Variants in DAZL observed in about 807,000 individuals in gnomAD.
DAZL encodes deleted in azoospermia-like.
DAZL carries 4 observed loss-of-function variants against 45.0 expected under a neutral mutation model. The observed-to-expected ratio is 0.09, with a 90% confidence interval of 0.04 to 0.20. The LOEUF (loss-of-function observed/expected upper bound fraction) is 0.20. Among genes scored for constraint, DAZL ranks in the 10% least tolerant of loss-of-function variants. DAZL has a pLI of 1.00. For missense variants in DAZL, 326 were observed against 351.3 expected, an observed-to-expected ratio of 0.93 and a Z score of 0.58; for synonymous variants, 122 against 112.4, an observed-to-expected ratio of 1.09 and a Z score of -0.54.
At chr3:16,591,529 A>C (rs1467327654) in intron 10 of DAZL, among the ~76,000 whole-genome samples, 1 of 151,544 alleles carries the variant, frequency 6.6e-6, no homozygotes, top group Non-Finnish European at 1.5e-5. Context: ...TCCCAGGCTC[A>C]AGCAATCCTC....
At chr3:16,594,689 G>C in intron 7 of DAZL, 106 bp from the exon 8 acceptor site, 1 of 664,002 alleles carries the variant, frequency 1.5e-6, no homozygotes, top group South Asian at 2.8e-5. Context: ...TGGCTCCTTT[G>C]TTGTTATAAT....
intron 1 of DAZL, among the ~76,000 whole-genome samples, chr3:16,599,513 T>C (rs1694651016): frequency 6.6e-6 from 1 of 152,236 alleles, no homozygotes; most frequent in Non-Finnish European, 1.5e-5. Flanking sequence ...AAAAGGATTA[T>C]AATCCTCTTC....
intron 10 of DAZL, among the ~76,000 whole-genome samples, chr3:16,591,661 T>C (rs1380480905): frequency 2.0e-5 from 3 of 152,156 alleles, no homozygotes; most frequent in Non-Finnish European, 4.4e-5. Flanking sequence ...CTCGAACTCC[T>C]GAGCTCAAGC....
At chr3:16,604,770 G>A (rs570944548) in intron 1 of DAZL, 6 of 1,357,154 alleles carry the variant, frequency 4.4e-6, no homozygotes, top group Middle Eastern at 2.7e-4. Context: ...TGAGGCTGGC[G>A]GGGCGGAGGC....
At chr3:16,598,274 C>A in intron 2 of DAZL, 96 bp from the exon 3 acceptor site, 3 of 1,410,770 alleles carry the variant, frequency 2.1e-6, no homozygotes, top group South Asian at 1.2e-5. Context: ...ATTTCTCCCC[C>A]ATTTATCCCC....
chr3:16,588,712 T>A lies in DAZL; in HGVS notation c.836A>T (p.Asp279Val), dbSNP rs746565166. ...TCTTCTAAAGTGATGCACTCTTTTATCCTGGAAAAGACAGAAAGAGTCCTT... is the reference window on the plus strand; with the variant it reads ...TCTTCTAAAGTGATGCACTCTTTTAACCTGGAAAAGACAGAAAGAGTCCTT... ...SVVTQDDYFKDKRVHHFRRSR... is the reference protein window; with the variant it reads ...SVVTQDDYFKVKRVHHFRRSR... Residue 279 changes from aspartate to valine, a missense_variant and splice_region_variant, in exon 11 of 11, where the codon GAT (aspartate) becomes GTT (valine). Transcript: ENST00000399444. The A allele has an allele frequency of 1.2e-6, 2 of 1,610,712 alleles. No homozygotes were observed. Among genetic ancestry groups the A allele is most frequent in the Non-Finnish European group, 1.7e-6 (2 of 1,177,296 alleles).
chr3:16,593,275 G>A (rs2125044589), intron 9 of DAZL, among the ~76,000 whole-genome samples: 1 of 152,266 alleles, frequency 6.6e-6, no homozygotes, highest in East Asian at 1.9e-4. Context: ...GAAACTTTAT[G>A]TATACATTGA....
Position 16,605,338 on chromosome 3 carries a change from T to A in DAZL, c.-133A>T. ...TTCGAGTGGTCAAAGGAGCCAAAGA[T>A]GAAGAGAAAAGGAAAACCAAGAGCG... On this transcript the variant is annotated 5_prime_UTR_variant, in exon 1 of 11. Coordinates refer to ENST00000399444, the MANE Select transcript of DAZL (RefSeq NM_001351.4). 8.7e-7 allele frequency: 1 copy of A among 1,144,424 alleles called. No homozygotes were observed. Among genetic ancestry groups the A allele is most frequent in the Non-Finnish European group, 1.3e-6 (1 of 754,650 alleles). The allele number at this position is 1,144,424 out of a possible 1,614,324, so 70.9% of individuals were successfully genotyped here. A position where few individuals can be genotyped will look rare whatever the true frequency, so the allele number is the denominator to read the frequency against.
chr3:16,596,700 G>T, intron 6 of DAZL, 50 bp downstream of exon 6: 1 of 1,593,436 alleles, frequency 6.3e-7, no homozygotes. Context: ...TCCACAGAAG[G>T]TACGATGACT....
chr3:16,596,591 T>C (rs1403109255), intron 6 of DAZL, among the ~76,000 whole-genome samples, 159 bp downstream of exon 6: 5 of 152,034 alleles, frequency 3.3e-5, no homozygotes, highest in Non-Finnish European at 7.4e-5. Context: ...AGAACAACAC[T>C]AAGAATAAGA....
chr3:16,603,667 T>C (rs1438128925), intron 1 of DAZL, among the ~76,000 whole-genome samples: 5 of 152,144 alleles, frequency 3.3e-5, no homozygotes, highest in East Asian at 1.9e-4. Flanking sequence ...TGTTTTAATA[T>C]TGAAAAAGTA....
intron 1 of DAZL, among the ~76,000 whole-genome samples, chr3:16,602,789 A>C (rs908202554): frequency 6.6e-6 from 1 of 152,212 alleles, no homozygotes; most frequent in Non-Finnish European, 1.5e-5. Flanking sequence ...CTTATTTTCT[A>C]TCAATCTAAT....
intron 1 of DAZL, among the ~76,000 whole-genome samples, chr3:16,603,628 G>A (rs1280449514): frequency 6.6e-6 from 1 of 152,108 alleles, no homozygotes; most frequent in Non-Finnish European, 1.5e-5. Context: ...TTACAGGCGT[G>A]AGCCACCGCG....
rs924290557 is a variant in DAZL at position 16,604,815 on chromosome 3, T to C, written c.3+388A>G. On this transcript the variant is annotated intron_variant, in intron 1 of 10. Transcript: ENST00000399444. The stretch of plus-strand genomic sequence containing the variant: ...TGGGGGAGGGGCGGAGGCGCGTGAG[T>C]GGGGGAGCGCGTGGGAGTGGGGGCG... 1.1e-5 allele frequency: 9 copies of C among 784,714 alleles called. No individual in the cohort carries two copies. The Admixed American group carries it at 2.3e-4, about 20-fold the overall frequency. The allele number at this position is 784,714 out of a possible 1,614,324, so 48.6% of individuals were successfully genotyped here.
chr3:16,591,060 T>TC (rs1694510506), intron 10 of DAZL, among the ~76,000 whole-genome samples: 1 of 152,160 alleles, frequency 6.6e-6, no homozygotes, highest in Admixed American at 6.6e-5. Flanking sequence ...AAAAACACCT[T>TC]CCCTTTACTA....
intron 6 of DAZL, 90 bp downstream of exon 6, chr3:16,596,660 T>C (rs920100499): frequency 1.8e-5 from 25 of 1,403,324 alleles, no homozygotes; most frequent in Non-Finnish European, 2.3e-5. Context: ...AGGGATGCCA[T>C]TACCACTTAC....
chr3:16,604,442 C>A (rs1296853569), intron 1 of DAZL: 1 of 1,531,698 alleles, frequency 6.5e-7, no homozygotes, highest in Non-Finnish European at 8.7e-7. Flanking sequence ...AAACCAACCT[C>A]GTGCGGCAAA....
At chr3:16,600,370 G>A (rs1694665201) in intron 1 of DAZL, among the ~76,000 whole-genome samples, 2 of 152,240 alleles carry the variant, frequency 1.3e-5, no homozygotes, top group East Asian at 3.9e-4. Context: ...CTAAAGCTGA[G>A]TTTATTGCTT....
chr3:16,589,158 G>C (rs1042358543), intron 10 of DAZL, among the ~76,000 whole-genome samples: 1 of 152,110 alleles, frequency 6.6e-6, no homozygotes, highest in African/African-American at 2.4e-5. Flanking sequence ...GTTAAAAGAT[G>C]TAAGTTTTGG....
Sources: gnomAD v4.1 joint callset for allele counts (sites outside exome capture counted in the v4.1 genomes callset) on GRCh38, gnomAD v4.1.1 for gene constraint, MANE v1.5 for transcripts, NCBI Gene and HGNC (gene_info 2026-07-23, HGNC 2026-07-21) for gene names.